PTPRM: variants seen among roughly 807,000 people sequenced by gnomAD.
The protein encoded by PTPRM is receptor-type tyrosine-protein phosphatase mu.
In PTPRM, 47 loss-of-function variants were observed where a neutral mutation model predicts 186.7. The ratio of observed to expected loss-of-function variants is 0.25; its 90% CI spans 0.20 to 0.32. PTPRM has a LOEUF of 0.32. Ranked by LOEUF, PTPRM falls within the 10% of genes least tolerant of loss-of-function variation. The probability of loss-of-function intolerance (pLI) is 1.00; values close to 1 mark genes in which losing one functional copy is unlikely to be tolerated. For synonymous variants in PTPRM, 668 were observed against 674.9 expected (o/e 0.99, Z 0.16); for missense variants, 1,494 against 1,865.0 (o/e 0.80, Z 3.66).
chr18:7,926,502 T>G, intron 4 of PTPRM, 66 bp from the exon 5 acceptor site: 1 of 1,255,738 alleles, frequency 8.0e-7, no homozygotes, highest in South Asian at 1.6e-5. Flanking sequence ...TCAGATAGAT[T>G]GAAGAAGACA....
chr18:8,187,381 C>G (rs1451821687), intron 14 of PTPRM, among the ~76,000 whole-genome samples: 3 of 152,240 alleles, frequency 2.0e-5, no homozygotes, highest in African/African-American at 7.2e-5. Context: ...GGAGAAAGGC[C>G]AGCAAGAGAG....
chr18:8,340,708 G>GTT (rs2095469321), intron 22 of PTPRM, among the ~76,000 whole-genome samples: 1 of 152,170 alleles, frequency 6.6e-6, no homozygotes, highest in Non-Finnish European at 1.5e-5. Flanking sequence ...AATCTTTGGT[G>GTT]TTTCACAGTT....
At chr18:7,633,717 A>G (rs2038244666) in intron 1 of PTPRM, among the ~76,000 whole-genome samples, 1 of 152,160 alleles carries the variant, frequency 6.6e-6, no homozygotes, top group Non-Finnish European at 1.5e-5. Flanking sequence ...CATCCTCCGC[A>G]TCGCAGGAAA....
intron 2 of PTPRM, among the ~76,000 whole-genome samples, chr18:7,791,510 G>T (rs964054342): frequency 2.6e-5 from 4 of 152,148 alleles, no homozygotes; most frequent in Non-Finnish European, 5.9e-5. Flanking sequence ...TATTTTCCAA[G>T]ATTCTAGATG....
intron 1 of PTPRM, among the ~76,000 whole-genome samples, chr18:7,688,436 G>T (rs2039658047): frequency 6.6e-6 from 1 of 152,186 alleles, no homozygotes; most frequent in Non-Finnish European, 1.5e-5. Context: ...CAGAAAAGCT[G>T]CTCAGACATC....
chr18:7,647,567 T>G (rs1440968568), intron 1 of PTPRM, among the ~76,000 whole-genome samples: 1 of 152,192 alleles, frequency 6.6e-6, no homozygotes, highest in Non-Finnish European at 1.5e-5. Context: ...TGTAGCATAA[T>G]AAAGAAATAT....
At chr18:7,575,188 A>G (rs568242419) in intron 1 of PTPRM, among the ~76,000 whole-genome samples, 1 of 152,310 alleles carries the variant, frequency 6.6e-6, no homozygotes, top group East Asian at 1.9e-4. Context: ...AATAATCATG[A>G]TGTCTTTTAA....
chr18:8,112,901 C>CTA (rs1238915554), intron 11 of PTPRM, among the ~76,000 whole-genome samples: 1 of 152,198 alleles, frequency 6.6e-6, no homozygotes, highest in Non-Finnish European at 1.5e-5. Flanking sequence ...GCTTTTGAAA[C>CTA]TATAATCCCT....
At position 8,259,815 on chromosome 18, in the gene PTPRM, T is replaced by C. The variant is rs184718899; in HGVS notation, c.2754+6401T>C. On this transcript the variant is annotated intron_variant, in intron 19 of 32. Coordinates refer to ENST00000580170, the MANE Select transcript of PTPRM (RefSeq NM_001105244.2). ...GGCACACGCCACCACTCCTGGCTCA[T>C]GTTGTATTTTTAGTAGAGTTTTTCA... Among the ~76,000 whole-genome samples the C allele has an allele frequency of 1.0e-3, 159 of 151,890 alleles. 1 individual carries two copies. The East Asian group carries it at 0.019, about 19-fold the overall frequency.
At chr18:8,245,991 G>T (rs1044622285) in intron 15 of PTPRM, among the ~76,000 whole-genome samples, 1 of 152,186 alleles carries the variant, frequency 6.6e-6, no homozygotes, top group African/African-American at 2.4e-5. Flanking sequence ...TCGGCTATTA[G>T]ACGTTATTTT....
intron 2 of PTPRM, among the ~76,000 whole-genome samples, chr18:7,862,818 T>A (rs745638352): frequency 2.6e-5 from 4 of 152,132 alleles, no homozygotes. Flanking sequence ...AATTCTGATA[T>A]CCCCATCAAC....
In PTPRM at chr18:7,567,839, C is replaced by G. The variant is rs775278142; in HGVS notation, c.21C>G (p.Cys7Trp). Residue 7 changes from cysteine (C) to tryptophan (W), a missense_variant, in exon 1 of 33, where the codon TGC (cysteine) becomes TGG (tryptophan). Transcript: ENST00000580170. The surrounding 1 kb of genome is among the most constrained non-coding windows in gnomAD (Gnocchi z 4.3). ...GCACCATGAGGGGACTTGGGACTTG[C>G]CTGGCGACTTTGGCCGGACTTTTGC... MRGLGT[C>W]LATLAGLLLT... The G allele has an allele frequency of 6.4e-7, 1 of 1,563,942 alleles. No homozygotes were observed. The highest frequency in any genetic ancestry group is 8.6e-7 in the Non-Finnish European group (1 of 1,158,702).
chr18:7,915,697 G>A (rs1208517029), intron 4 of PTPRM, among the ~76,000 whole-genome samples: 1 of 152,108 alleles, frequency 6.6e-6, no homozygotes, highest in Non-Finnish European at 1.5e-5. Context: ...TGAAGATTTA[G>A]GTTTAAGAAT....
At position 8,247,922 on chromosome 18, in the gene PTPRM, A is replaced by G; in HGVS notation, c.2527+3A>G. The G allele has an allele frequency of 1.3e-6, 2 of 1,578,490 alleles. No individual in the cohort carries two copies. The highest frequency in any genetic ancestry group is 1.7e-6 in the Non-Finnish European group (2 of 1,147,534). ...GGTGCCTAATTCCTATTACCCAGGT[A>G]ACAGTTTTTTCCATTGTCTCCTCTC... On this transcript the variant is annotated splice_donor_region_variant and intron_variant, in intron 16 of 32. Transcript: ENST00000580170.
intron 29 of PTPRM, among the ~76,000 whole-genome samples, chr18:8,382,291 G>A (rs1325051045): frequency 3.3e-5 from 5 of 152,130 alleles, no homozygotes; most frequent in African/African-American, 7.2e-5. Context: ...TGCAACCCAC[G>A]TCACTCATAT....
rs573483163 is a variant in PTPRM, at chr18:7,722,767, G to A, written c.74-51382G>A. Among the ~76,000 whole-genome samples, 7 of 152,224 alleles carry A rather than the reference G, an allele frequency of 4.6e-5. No individual in the cohort carries two copies. In the South Asian group the frequency reaches 1.2e-3, roughly 27 times the overall value. ...AAGGGATAATCTACCTAATATTAAA[G>A]GATTCTTAAAAATCAGAGAACACAG... On this transcript the variant is annotated intron_variant, in intron 1 of 32. Coordinates refer to ENST00000580170, the MANE Select transcript of PTPRM (RefSeq NM_001105244.2).
At chr18:8,391,573 C>A (rs1056082488) in intron 31 of PTPRM, among the ~76,000 whole-genome samples, 1 of 152,160 alleles carries the variant, frequency 6.6e-6, no homozygotes, top group Non-Finnish European at 1.5e-5. Context: ...AGAATGGATT[C>A]TCTTTGGTGA....
chr18:7,683,796 T>C (rs1482464947), intron 1 of PTPRM, among the ~76,000 whole-genome samples: 1 of 152,154 alleles, frequency 6.6e-6, no homozygotes, highest in African/African-American at 2.4e-5. Flanking sequence ...GCTCAGGGTA[T>C]CAGGAAGCCC....
rs1328608061 is a variant in PTPRM at position 7,982,495 on chromosome 18, C to T, written c.1132+27081C>T. ...TTCTGCTGTCTACCTCCTGAAGGTC[C>T]TGCCTGAGGCTGCTTCACAGTTAAC... On this transcript the variant is annotated intron_variant, in intron 7 of 32. Transcript: ENST00000580170. Among the ~76,000 whole-genome samples the T allele has an allele frequency of 2.6e-5, 4 of 151,518 alleles. 1 individual carries two copies. The highest frequency in any genetic ancestry group is 2.9e-5 in the Non-Finnish European group (2 of 67,956).
Sources: allele counts gnomAD v4.1 joint callset (sites outside exome capture counted in the v4.1 genomes callset), GRCh38; gene constraint gnomAD v4.1.1; non-coding constraint Gnocchi (gnomAD v3.1); transcripts MANE v1.5; gene names NCBI Gene and HGNC (gene_info 2026-07-23, HGNC 2026-07-21).